EHBP1: variants seen among roughly 807,000 people sequenced by gnomAD.
EHBP1 encodes EH domain binding protein 1, also known as EH domain-binding protein 1.
In EHBP1, 55 loss-of-function variants were observed where a neutral mutation model predicts 144.0. The ratio of observed to expected loss-of-function variants is 0.38; its 90% CI spans 0.31 to 0.48. The LOEUF is 0.48. EHBP1 is among the 20% of genes least tolerant of loss of function. The pLI, the probability that EHBP1 is intolerant of heterozygous loss-of-function variation, is 0.98. For synonymous variants in EHBP1, 469 were observed against 472.7 expected, an observed-to-expected ratio of 0.99 and a Z score of 0.10; for missense variants, 1,200 against 1,364.2, an observed-to-expected ratio of 0.88 and a Z score of 1.90.
At chr2:62,943,190 A>G (rs2056865872) in intron 11 of EHBP1, among the ~76,000 whole-genome samples, 1 of 152,136 alleles carries the variant, frequency 6.6e-6, no homozygotes, top group Non-Finnish European at 1.5e-5. Context: ...CAGCCTGACC[A>G]ACATGGAGAA....
At chr2:62,816,818 C>T (rs891068948) in intron 5 of EHBP1, among the ~76,000 whole-genome samples, 1 of 152,172 alleles carries the variant, frequency 6.6e-6, no homozygotes, top group African/African-American at 2.4e-5. Context: ...GGCTCACTGC[C>T]TTCATTCCCT....
At chr2:62,945,632 C>G (rs1408751329) in intron 12 of EHBP1, among the ~76,000 whole-genome samples, 3 of 152,108 alleles carry the variant, frequency 2.0e-5, no homozygotes, top group Non-Finnish European at 4.4e-5. Context: ...CACCTGTAGT[C>G]CCAGCTACTT....
At chr2:62,759,124 A>G (rs966541138) in intron 3 of EHBP1, among the ~76,000 whole-genome samples, 1 of 152,144 alleles carries the variant, frequency 6.6e-6, no homozygotes, top group Non-Finnish European at 1.5e-5. Flanking sequence ...CCTTTTTCCA[A>G]GTTGGTTTTT....
chr2:62,915,342 A>G (rs1222654683), intron 10 of EHBP1, among the ~76,000 whole-genome samples: 4 of 152,124 alleles, frequency 2.6e-5, no homozygotes, highest in Non-Finnish European at 5.9e-5. Flanking sequence ...TAACTTTACT[A>G]ATTTATAAAT....
At chr2:62,899,804 G>A (rs966134735) in intron 10 of EHBP1, among the ~76,000 whole-genome samples, 4 of 152,174 alleles carry the variant, frequency 2.6e-5, no homozygotes, top group Non-Finnish European at 4.4e-5. Flanking sequence ...CCAGTTGGCA[G>A]AAGTTCCCTA....
chr2:62,838,203 A>T (rs2047458643), intron 7 of EHBP1, among the ~76,000 whole-genome samples: 1 of 152,222 alleles, frequency 6.6e-6, no homozygotes, highest in Non-Finnish European at 1.5e-5. Flanking sequence ...AAGCCGCTCA[A>T]CTACATGGAA....
rs565131427 is a variant in EHBP1, at chr2:62,926,352, A to C, written c.1186-16366A>C. On this transcript the variant is annotated intron_variant, in intron 10 of 22. Transcript: ENST00000431489. ...TAAACAAATGGGATTACATCAAACC[A>C]AAAAGCTTCTGCACAGCAAAGAAAA... Among the ~76,000 whole-genome samples, 40 of 152,280 alleles carry C rather than the reference A, an allele frequency of 2.6e-4. No individual in the cohort carries two copies. In the South Asian group the frequency reaches 8.1e-3, roughly 31 times the overall value.
intron 10 of EHBP1, among the ~76,000 whole-genome samples, chr2:62,901,338 T>C (rs959835385): frequency 6.6e-6 from 1 of 152,200 alleles, no homozygotes; most frequent in African/African-American, 2.4e-5. Flanking sequence ...ATTATAGATT[T>C]GAGCTATATT....
At chr2:62,868,584 A>G (rs1458510189) in intron 9 of EHBP1, among the ~76,000 whole-genome samples, 2 of 152,330 alleles carry the variant, frequency 1.3e-5, no homozygotes, top group South Asian at 2.1e-4. Flanking sequence ...TTTGGCAGAA[A>G]TGATTTGCAA....
chr2:63,011,211 G>C (rs2553041), intron 19 of EHBP1, among the ~76,000 whole-genome samples: 20,089 of 149,206 alleles, frequency 0.13, 1,698 homozygotes, highest in Admixed American at 0.19. Flanking sequence ...AAAGAAGTTT[G>C]CTTAATTCCA....
chr2:62,964,502 A>G (rs1469371310), intron 14 of EHBP1, among the ~76,000 whole-genome samples: 1 of 152,136 alleles, frequency 6.6e-6, no homozygotes, highest in East Asian at 1.9e-4. Context: ...TGTTCTTCTT[A>G]TCATATTCTG....
chr2:62,700,073 C>T (rs2034230722), intron 1 of EHBP1, among the ~76,000 whole-genome samples: 1 of 152,060 alleles, frequency 6.6e-6, no homozygotes, highest in African/African-American at 2.4e-5. Flanking sequence ...AACAATTTCA[C>T]CAAAGAATAC....
intron 14 of EHBP1, among the ~76,000 whole-genome samples, chr2:62,975,887 T>TATACACACACACACAC (rs1446154644): frequency 1.3e-4 from 16 of 123,750 alleles, no homozygotes; most frequent in African/African-American, 4.6e-4. Context: ...TTACTGTATG[T>TATACACACACACACAC]ACACACACAC....
chr2:62,892,307 G>C (rs1215144989), intron 10 of EHBP1, among the ~76,000 whole-genome samples: 1 of 151,912 alleles, frequency 6.6e-6, no homozygotes, highest in Non-Finnish European at 1.5e-5. Flanking sequence ...GGTGTTTTTT[G>C]GTTTTTAGTT....
intron 14 of EHBP1, among the ~76,000 whole-genome samples, chr2:62,964,633 T>C (rs2058157621): frequency 6.6e-6 from 1 of 152,234 alleles, no homozygotes. Context: ...CTTCACTTGA[T>C]GTAAAATAAT....
chr2:62,969,735 C>T (rs2058412127), intron 14 of EHBP1, among the ~76,000 whole-genome samples: 2 of 152,186 alleles, frequency 1.3e-5, no homozygotes, highest in Admixed American at 1.3e-4. Context: ...ACTTTCCACT[C>T]TGTTTTGCAA....
chr2:63,021,807 C>T (rs2060761776), intron 19 of EHBP1, among the ~76,000 whole-genome samples: 1 of 152,004 alleles, frequency 6.6e-6, no homozygotes, highest in Admixed American at 6.6e-5. Context: ...CACACTGTCG[C>T]CCGGGCTAGA....
At chr2:62,699,701 T>A (rs1435979955) in intron 1 of EHBP1, among the ~76,000 whole-genome samples, 1 of 152,240 alleles carries the variant, frequency 6.6e-6, no homozygotes, top group African/African-American at 2.4e-5. Flanking sequence ...TATGCCATGT[T>A]GTTAACACAC....
At chr2:62,864,686 CAT>C in intron 8 of EHBP1, 43 bp from the exon 9 acceptor site, 3 of 1,548,078 alleles carry the variant, frequency 1.9e-6, no homozygotes, top group Non-Finnish European at 8.8e-7. Context: ...TAGAAAATAT[CAT>C]ATGGTATTCA....
Sources: gnomAD v4.1 joint callset for allele counts (sites outside exome capture counted in the v4.1 genomes callset) on GRCh38, gnomAD v4.1.1 for gene constraint, MANE v1.5 for transcripts, NCBI Gene and HGNC (gene_info 2026-07-23, HGNC 2026-07-21) for gene names.